YWHAZ: variants seen among roughly 807,000 people sequenced by gnomAD.
YWHAZ encodes the protein tyrosine 3-monooxygenase/tryptophan 5-monooxygenase activation protein zeta.
For missense variants in YWHAZ, 79 were observed against 284.8 expected (o/e 0.28, Z 5.20); for synonymous variants, 87 against 103.6 (o/e 0.84, Z 0.97).
In YWHAZ at chr8:100,951,377, G is replaced by C. The variant is rs980606069; in HGVS notation, c.-12+552C>G. On this transcript the variant is annotated intron_variant, in intron 1 of 5. Transcript: ENST00000395958. ...TGGGGGAGGGCCGGGTCCCGCCGCCGCAGCGCCCAGCGCGGAGGCTGCGCG... is the reference window on the plus strand; with the variant it reads ...TGGGGGAGGGCCGGGTCCCGCCGCCCCAGCGCCCAGCGCGGAGGCTGCGCG... 13 of 983,792 alleles carry C rather than the reference G, an allele frequency of 1.3e-5. No individual in the cohort carries two copies. The Admixed American group carries it at 4.9e-4, about 37-fold the overall frequency. 60.9% of individuals were successfully genotyped at this position (983,792 alleles called of 1,614,324 possible).
intron 2 of YWHAZ, among the ~76,000 whole-genome samples, chr8:100,927,752 C>G (rs1813464299): frequency 6.6e-6 from 1 of 152,168 alleles, no homozygotes; most frequent in African/African-American, 2.4e-5. Flanking sequence ...TAACTTTCTA[C>G]CTGGGTAATA....
intron 2 of YWHAZ, among the ~76,000 whole-genome samples, chr8:100,940,395 A>G (rs1391971686): frequency 6.6e-6 from 1 of 152,206 alleles, no homozygotes; most frequent in Admixed American, 6.5e-5. Flanking sequence ...CCTTTTTAAA[A>G]AAGGCTAAAG....
upstream of YWHAZ, chr8:100,953,090 A>G (rs1333833538): frequency 2.0e-6 from 2 of 992,116 alleles, no homozygotes; most frequent in Non-Finnish European, 2.4e-6. Context: ...TAGGGAAGCC[A>G]GAGTTCCGAG....
upstream of YWHAZ, chr8:100,952,078 T>A (rs1201767063): frequency 1.0e-6 from 1 of 987,114 alleles, no homozygotes; most frequent in East Asian, 1.1e-4. Context: ...TTTCCTCCAA[T>A]CACCAGCCCC....
intron 1 of YWHAZ, chr8:100,951,559 G>A (rs1810785029): frequency 1.0e-6 from 1 of 985,430 alleles, no homozygotes; most frequent in South Asian, 4.7e-5. Context: ...AGACAAGGGT[G>A]GGGATGGATC....
chr8:100,933,495 T>C (rs574766336), intron 2 of YWHAZ, among the ~76,000 whole-genome samples: 1 of 152,324 alleles, frequency 6.6e-6, no homozygotes, highest in African/African-American at 2.4e-5. Flanking sequence ...ACCTTAAATA[T>C]ATATTTTTTT....
intron 2 of YWHAZ, among the ~76,000 whole-genome samples, chr8:100,940,191 T>TC (rs1461701059): frequency 6.6e-6 from 1 of 151,988 alleles, no homozygotes; most frequent in Non-Finnish European, 1.5e-5. Context: ...TCTTCTCCCC[T>TC]CCCCCAGGAT....
rs530383322 is a variant in YWHAZ at position 100,918,003 on chromosome 8, T to A, written c.*2690A>T. 17 of 152,244 alleles carry A rather than the reference T, an allele frequency of 1.1e-4. No homozygotes were observed. The highest frequency in any genetic ancestry group is 3.9e-4 in the African/African-American group (16 of 41,556). 9.4% of individuals were successfully genotyped at this position (152,244 alleles called of 1,614,324 possible). On this transcript the variant is annotated 3_prime_UTR_variant, in exon 6 of 6. Coordinates refer to ENST00000395958, the MANE Select transcript of YWHAZ (RefSeq NM_145690.3). ...ACCTAGTTCAGATGACTGATGCACA[T>A]TAAATAGGCAAATGTGCCAAGTTTC... is the stretch of plus-strand genomic sequence containing the variant.
intron 2 of YWHAZ, chr8:100,934,796 G>C (rs1482216087): frequency 6.6e-6 from 1 of 152,078 alleles, no homozygotes. Flanking sequence ...ATTCTTCAAG[G>C]ACAGAATTGT....
intron 1 of YWHAZ, 165 bp downstream of exon 1, chr8:100,951,764 G>A (rs1563695562): frequency 1.0e-6 from 1 of 985,324 alleles, no homozygotes; most frequent in African/African-American, 1.7e-5. Context: ...CGAGCCCAGC[G>A]GAAGAGGAGC....
At chr8:100,923,157 C>T (rs1813146229) in intron 5 of YWHAZ, 1 of 152,082 alleles carries the variant, frequency 6.6e-6, no homozygotes, top group Non-Finnish European at 1.5e-5. Flanking sequence ...AGAAATGGCC[C>T]TAGAAGTCTA....
intron 2 of YWHAZ, among the ~76,000 whole-genome samples, chr8:100,943,113 G>C (rs571975369): frequency 1.6e-4 from 25 of 152,298 alleles, no homozygotes; most frequent in African/African-American, 5.3e-4. Context: ...ATTAAGTCTA[G>C]AAAACATGCT....
intron 2 of YWHAZ, among the ~76,000 whole-genome samples, chr8:100,927,695 G>T (rs1037481982): frequency 2.6e-5 from 4 of 152,128 alleles, no homozygotes; most frequent in African/African-American, 4.8e-5. Flanking sequence ...TTTAGGAAAG[G>T]TGTTGATAAA....
Position 100,951,963 on chromosome 8 carries a change from G to A in YWHAZ, c.-46C>T, listed in dbSNP as rs548516538. 535 of 1,001,766 alleles carry A rather than the reference G, an allele frequency of 5.3e-4. 5 individuals are homozygous for A. In the African/African-American group the frequency reaches 8.3e-3, roughly 15 times the overall value. The allele number at this position is 1,001,766 out of a possible 1,614,324, so 62.1% of individuals were successfully genotyped here. Reference sequence around the variant, plus strand: ...GAGTGGGTGGTGGCGGCGGACGGACGGGCTCAGCAGTCTCTGGGCGGCGGC... The same window carrying A: ...GAGTGGGTGGTGGCGGCGGACGGACAGGCTCAGCAGTCTCTGGGCGGCGGC... On this transcript the variant is annotated 5_prime_UTR_variant, in exon 1 of 6. Coordinates refer to ENST00000395958, the MANE Select transcript of YWHAZ (RefSeq NM_145690.3).
chr8:100,936,005 C>A (rs1814122443), intron 2 of YWHAZ, among the ~76,000 whole-genome samples: 1 of 152,096 alleles, frequency 6.6e-6, no homozygotes, highest in Non-Finnish European at 1.5e-5. Flanking sequence ...TTAGACCAAA[C>A]CCCAAAATTA....
rs1417316114 is a variant in YWHAZ, at chr8:100,918,443, T to TATATAAAAA, written c.*2249_*2250insTTTTTATAT. ...ATATATATATATATATATATATATA[T>TATATAAAAA]AATTATTTTACCTCCTTGGCTTGGG... is the stretch of plus-strand genomic sequence containing the variant. On this transcript the variant is annotated 3_prime_UTR_variant, in exon 6 of 6. Transcript: ENST00000395958. The TATATAAAAA allele has an allele frequency of 8.5e-6, 1 of 117,074 alleles. No homozygotes were observed. Among genetic ancestry groups the TATATAAAAA allele is most frequent in the African/African-American group, 3.4e-5 (1 of 29,620 alleles). The allele number at this position is 117,074 out of a possible 1,614,324, so 7.3% of individuals were successfully genotyped here. A position where few individuals can be genotyped will look rare whatever the true frequency, so the allele number is the denominator to read the frequency against.
chr8:100,948,912 A>G lies in YWHAZ; in HGVS notation c.-11-12T>C, dbSNP rs767829335. 1.9e-6 allele frequency: 3 copies of G among 1,552,162 alleles called. No individual in the cohort carries two copies. The highest frequency in any genetic ancestry group is 1.2e-5 in the South Asian group (1 of 84,672). The stretch of plus-strand genomic sequence containing the variant: ...CATGACTGGATGTTCTGCAGGGGGG[A>G]AAAAAGGAGTATTTAAAATTTTTCC... On this transcript the variant is annotated splice_polypyrimidine_tract_variant and intron_variant, in intron 1 of 5. Transcript: ENST00000395958. The surrounding 1 kb of genome is among the most constrained non-coding windows in gnomAD (Gnocchi z 4.2).
In YWHAZ at chr8:100,950,657, T is replaced by TGGG. The variant is rs1554618210; in HGVS notation, c.-12+1269_-12+1271dup. 211 of 722,666 alleles carry TGGG rather than the reference T, an allele frequency of 2.9e-4. 1 individual carries two copies. In the African/African-American group the frequency reaches 4.5e-3, roughly 16 times the overall value. The allele number at this position is 722,666 out of a possible 1,614,324, so 44.8% of individuals were successfully genotyped here. ...GCAGCCCGCGCCCCCGCCCAAGCCG[T>TGGG]GGGGGGGGGGGAGAGATGGGGAGCG... is the stretch of plus-strand genomic sequence containing the variant. On this transcript the variant is annotated intron_variant, in intron 1 of 5. Coordinates refer to ENST00000395958, the MANE Select transcript of YWHAZ (RefSeq NM_145690.3).
intron 2 of YWHAZ, among the ~76,000 whole-genome samples, chr8:100,936,662 A>AT (rs1814169241): frequency 6.6e-6 from 1 of 152,136 alleles, no homozygotes; most frequent in African/African-American, 2.4e-5. Flanking sequence ...TTAGCCAGGC[A>AT]TGGTGGCGGG....
Sources: gnomAD v4.1 joint callset for allele counts (sites outside exome capture counted in the v4.1 genomes callset) on GRCh38, gnomAD v4.1.1 for gene constraint, Gnocchi (gnomAD v3.1) non-coding constraint, MANE v1.5 for transcripts, NCBI Gene and HGNC (gene_info 2026-07-23, HGNC 2026-07-21) for gene names.